Variants in GPHN observed in about 807,000 individuals in gnomAD.
GPHN encodes gephyrin.
In GPHN, 17 loss-of-function variants were observed where a neutral mutation model predicts 95.5. That is an observed-to-expected ratio of 0.18 (90% confidence interval 0.12 to 0.27). The LOEUF is 0.27. GPHN is among the 10% of genes least tolerant of loss of function. The pLI is 1.00. For missense variants in GPHN, 660 were observed against 978.1 expected (o/e 0.67, Z 4.34); for synonymous variants, 320 against 322.5 (o/e 0.99, Z 0.08).
chr14:66,726,396 A>C (rs2071240299), intron 2 of GPHN, among the ~76,000 whole-genome samples: 1 of 152,238 alleles, frequency 6.6e-6, no homozygotes, highest in South Asian at 2.1e-4. Flanking sequence ...CATTATAAAG[A>C]TGTGTTCTGA....
At chr14:67,593,978 G>C in the GPHN span, 2 of 1,509,280 alleles carry the variant, frequency 1.3e-6, no homozygotes, top group Non-Finnish European at 1.8e-6. Flanking sequence ...GACACAGACA[G>C]TAAGATTACC....
chr14:67,202,058 A>G, the GPHN span, among the ~76,000 whole-genome samples: 1 of 152,200 alleles, frequency 6.6e-6, no homozygotes, highest in Non-Finnish European at 1.5e-5. Context: ...GACTTCCATG[A>G]GTCCATATCC....
At chr14:67,473,091 T>C in the GPHN span, 8 of 306,994 alleles carry the variant, frequency 2.6e-5, no homozygotes, top group Non-Finnish European at 4.9e-5. The surrounding 1 kb of genome is among the most constrained non-coding windows in gnomAD (Gnocchi z 6.5). Context: ...CATTGTCCCT[T>C]GGCCAGGACA....
the GPHN span, among the ~76,000 whole-genome samples, chr14:67,482,999 C>T: frequency 1.3e-5 from 2 of 152,106 alleles, no homozygotes; most frequent in African/African-American, 2.4e-5. Flanking sequence ...AAAGAGGCTA[C>T]GTTCTTTTTT....
At chr14:66,858,362 G>T (rs2062883839) in intron 4 of GPHN, among the ~76,000 whole-genome samples, 1 of 151,902 alleles carries the variant, frequency 6.6e-6, no homozygotes, top group Admixed American at 6.6e-5. Context: ...GCAGAGTCAT[G>T]AGGCCCCCTT....
intron 2 of GPHN, among the ~76,000 whole-genome samples, chr14:66,683,001 T>A (rs2067034707): frequency 6.6e-6 from 1 of 151,396 alleles, no homozygotes; most frequent in Admixed American, 6.6e-5. Context: ...ATATTTAATT[T>A]TAGTATTCTA....
chr14:67,727,940 CAG>C, the GPHN span: 2 of 152,360 alleles, frequency 1.3e-5, no homozygotes, highest in Admixed American at 1.3e-4. Context: ...TGCCTGGACT[CAG>C]GGAGTTAGGG....
At chr14:67,580,716 T>C in the GPHN span, among the ~76,000 whole-genome samples, 9 of 152,320 alleles carry the variant, frequency 5.9e-5, no homozygotes, top group Non-Finnish European at 1.3e-4. Context: ...AGGGCAGATT[T>C]CTTGCTTTAT....
chr14:67,561,923 G>A, the GPHN span: 5 of 1,509,278 alleles, frequency 3.3e-6, no homozygotes, highest in Admixed American at 1.7e-5. Flanking sequence ...TAGGCTGGGT[G>A]TCCTAAATCT....
intron 1 of GPHN, among the ~76,000 whole-genome samples, chr14:66,651,545 A>G (rs967354166): frequency 6.6e-6 from 1 of 152,210 alleles, no homozygotes; most frequent in Non-Finnish European, 1.5e-5. Context: ...CCATTCCTGA[A>G]TAAGTCAGGT....
chr14:67,001,998 T>C (rs1019295891), intron 9 of GPHN, among the ~76,000 whole-genome samples: 13 of 151,646 alleles, frequency 8.6e-5, no homozygotes, highest in African/African-American at 2.2e-4. Flanking sequence ...ATTATCAATT[T>C]TCCCTGGTCA....
At chr14:67,495,731 A>C in the GPHN span, among the ~76,000 whole-genome samples, 1 of 151,512 alleles carries the variant, frequency 6.6e-6, no homozygotes, top group Non-Finnish European at 1.5e-5. Context: ...TGATCCACTC[A>C]CCCCGGCCTC....
chr14:67,047,367 T>TGTGTGTGTTTG (rs1280416718), intron 10 of GPHN, among the ~76,000 whole-genome samples: 3 of 82,828 alleles, frequency 3.6e-5, no homozygotes, highest in African/African-American at 1.1e-4. Flanking sequence ...TGTGTGTTTG[T>TGTGTGTGTTTG]TTTTTTTTTT....
At chr14:67,351,691 T>C in the GPHN span, among the ~76,000 whole-genome samples, 29 of 151,924 alleles carry the variant, frequency 1.9e-4, no homozygotes, top group Non-Finnish European at 4.4e-5. Flanking sequence ...TTCTTCTTCT[T>C]CTTCTTTTTT....
chr14:66,515,847 T>C (rs550065324), intron 1 of GPHN, among the ~76,000 whole-genome samples: 1 of 152,372 alleles, frequency 6.6e-6, no homozygotes, highest in Non-Finnish European at 1.5e-5. Flanking sequence ...TTGAAGCATA[T>C]ATTCTAGCAC....
At chr14:67,326,829 A>G in the GPHN span, among the ~76,000 whole-genome samples, 5 of 152,376 alleles carry the variant, frequency 3.3e-5, no homozygotes, top group African/African-American at 9.6e-5. Flanking sequence ...GTAATATACT[A>G]TGATATTAAT....
chr14:67,422,662 A>C, the GPHN span, among the ~76,000 whole-genome samples: 2 of 152,170 alleles, frequency 1.3e-5, no homozygotes, highest in Non-Finnish European at 2.9e-5. Context: ...TCATACATGG[A>C]AGAAAATGCA....
the GPHN span, among the ~76,000 whole-genome samples, chr14:67,200,946 A>C: frequency 6.6e-6 from 1 of 152,210 alleles, no homozygotes; most frequent in East Asian, 1.9e-4. Context: ...CCTGGTTAGC[A>C]TGTCTTTGGC....
chr14:66,713,299 T>C (rs1174503741), intron 2 of GPHN, among the ~76,000 whole-genome samples: 1 of 152,174 alleles, frequency 6.6e-6, no homozygotes, highest in Non-Finnish European at 1.5e-5. Flanking sequence ...TCCATGTTGA[T>C]TTGATTTTTG....
Sources: allele counts gnomAD v4.1 joint callset (sites outside exome capture counted in the v4.1 genomes callset), GRCh38; gene constraint gnomAD v4.1.1; non-coding constraint Gnocchi (gnomAD v3.1); transcripts MANE v1.5; gene names NCBI Gene and HGNC (gene_info 2026-07-23, HGNC 2026-07-21).